ART3: variants seen among roughly 807,000 people sequenced by gnomAD.
ART3 encodes the protein ecto-ADP-ribosyltransferase 3.
Under a neutral mutation model 48.5 loss-of-function variants are expected in ART3, and 49 were observed. The ratio of observed to expected loss-of-function variants is 1.01; its 90% CI spans 0.80 to 1.28. ART3 has a LOEUF of 1.28. Among genes scored for constraint, ART3 ranks in the 50% most tolerant of loss-of-function variants. The pLI is 0.00. For missense variants in ART3, 438 were observed against 454.3 expected (o/e 0.96, Z 0.33); for synonymous variants, 145 against 157.2 (o/e 0.92, Z 0.58).
intron 1 of ART3, chr4:76,036,091 G>A (rs980347071): frequency 2.6e-5 from 27 of 1,027,732 alleles, no homozygotes; most frequent in Middle Eastern, 4.1e-4. Flanking sequence ...ATTGATAATT[G>A]GCATATATAG....
At chr4:76,097,764 ACTGT>A in intron 4 of ART3, 88 bp downstream of exon 4, 2 of 1,030,960 alleles carry the variant, frequency 1.9e-6, no homozygotes, top group Non-Finnish European at 2.9e-6. Flanking sequence ...CCACCACTGT[ACTGT>A]CGTTCTGTCA....
At chr4:76,048,618 G>T (rs1441430782) in intron 1 of ART3, among the ~76,000 whole-genome samples, 1 of 151,868 alleles carries the variant, frequency 6.6e-6, no homozygotes, top group Non-Finnish European at 1.5e-5. Context: ...CCAAGAACCC[G>T]CAACAGTCTC....
At chr4:76,040,452 A>ACGCG (rs938859813) in intron 1 of ART3, among the ~76,000 whole-genome samples, 3 of 36,280 alleles carry the variant, frequency 8.3e-5, no homozygotes, top group African/African-American at 4.1e-4. Flanking sequence ...ACACACACAC[A>ACGCG]CACACACACA....
intron 3 of ART3, among the ~76,000 whole-genome samples, chr4:76,092,751 A>G (rs1270296751): frequency 1.3e-5 from 2 of 151,936 alleles, no homozygotes; most frequent in East Asian, 3.9e-4. Context: ...TCCTTTAGGG[A>G]TTCTGTTTAT....
At chr4:76,037,775 A>G (rs1294381536) in intron 1 of ART3, among the ~76,000 whole-genome samples, 5 of 152,216 alleles carry the variant, frequency 3.3e-5, no homozygotes, top group African/African-American at 1.2e-4. Flanking sequence ...TCTTTGTAAC[A>G]TGAGAAAATC....
chr4:76,067,869 C>T (rs1719894253), intron 1 of ART3, among the ~76,000 whole-genome samples: 1 of 152,172 alleles, frequency 6.6e-6, no homozygotes. Flanking sequence ...TTGGCCTTCC[C>T]CGAGGTATCT....
At chr4:76,091,388 C>A (rs1724854452) in intron 3 of ART3, among the ~76,000 whole-genome samples, 1 of 152,184 alleles carries the variant, frequency 6.6e-6, no homozygotes, top group South Asian at 2.1e-4. Context: ...TCTAGCTATA[C>A]CACATTCTTG....
At chr4:76,033,771 C>T (rs1478729574) in intron 1 of ART3, 1 of 152,014 alleles carries the variant, frequency 6.6e-6, no homozygotes, top group Non-Finnish European at 1.5e-5. Flanking sequence ...CTAAATTTTA[C>T]AGTATATAGG....
At chr4:76,069,393 T>C (rs1355737882) in intron 1 of ART3, among the ~76,000 whole-genome samples, 4 of 138,562 alleles carry the variant, frequency 2.9e-5, no homozygotes, top group Non-Finnish European at 6.4e-5. Context: ...TTCCTTTTTT[T>C]TTTTTTTTTT....
chr4:76,034,471 G>A, intron 1 of ART3: 2 of 515,888 alleles, frequency 3.9e-6, no homozygotes, highest in Non-Finnish European at 6.7e-6. Flanking sequence ...AATGCAACAA[G>A]TAAGAACGTG....
At chr4:76,068,398 T>C (rs764190308) in intron 1 of ART3, among the ~76,000 whole-genome samples, 6 of 152,250 alleles carry the variant, frequency 3.9e-5, no homozygotes, top group Non-Finnish European at 8.8e-5. Context: ...TAAGGAAGAC[T>C]GGATAAAGAA....
intron 10 of ART3, 125 bp from the exon 11 acceptor site, chr4:76,107,636 C>T (rs557719197): frequency 5.0e-6 from 3 of 604,052 alleles, no homozygotes; most frequent in Middle Eastern, 2.6e-4. Flanking sequence ...ACCCGTAAAC[C>T]TATTACCCTG....
intron 5 of ART3, among the ~76,000 whole-genome samples, chr4:76,099,964 C>T (rs573041946): frequency 6.6e-5 from 10 of 152,248 alleles, no homozygotes; most frequent in South Asian, 6.2e-4. Context: ...TTTATTGTTC[C>T]GTTGCAGTCA....
chr4:76,025,700 C>G (rs1470505376), intron 1 of ART3, among the ~76,000 whole-genome samples: 1 of 152,110 alleles, frequency 6.6e-6, no homozygotes, highest in Admixed American at 6.5e-5. Flanking sequence ...TATAATGTTT[C>G]TTAGATTCAT....
chr4:76,011,945 G>T (rs1253057696), intron 1 of ART3, among the ~76,000 whole-genome samples: 1 of 152,228 alleles, frequency 6.6e-6, no homozygotes, highest in Non-Finnish European at 1.5e-5. Context: ...ACAGAAACCT[G>T]ATGAGAGGAT....
intron 1 of ART3, among the ~76,000 whole-genome samples, chr4:76,064,866 C>T (rs5005115): frequency 0.59 from 88,122 of 150,352 alleles, 26,621 homozygotes; most frequent in East Asian, 0.94. Flanking sequence ...GGGTCTCACT[C>T]TGTCACCCAG....
chr4:76,040,316 C>T (rs1240185948), intron 1 of ART3, among the ~76,000 whole-genome samples: 1 of 152,118 alleles, frequency 6.6e-6, no homozygotes, highest in Non-Finnish European at 1.5e-5. Context: ...CCCAGAGAGA[C>T]TCCGTCTCAA....
chr4:76,089,893 A>C (rs1272273941), intron 3 of ART3, among the ~76,000 whole-genome samples: 1 of 152,154 alleles, frequency 6.6e-6, no homozygotes, highest in Non-Finnish European at 1.5e-5. Flanking sequence ...CAGCCTGGCC[A>C]ACATGGTGAA....
At chr4:76,011,835 A>G (rs1432468880) in intron 1 of ART3, among the ~76,000 whole-genome samples, 1 of 152,184 alleles carries the variant, frequency 6.6e-6, no homozygotes, top group African/African-American at 2.4e-5. Context: ...CTTGTCATGC[A>G]AAGTCTGAGA....
Sources: allele counts gnomAD v4.1 joint callset (sites outside exome capture counted in the v4.1 genomes callset), GRCh38; gene constraint gnomAD v4.1.1; transcripts MANE v1.5; gene names NCBI Gene and HGNC (gene_info 2026-07-23, HGNC 2026-07-21).